The following CUBN variants were observed in gnomAD, a reference collection of about 807,000 sequenced individuals.
The protein encoded by CUBN is cubilin, also known as 460 kDa receptor.
A neutral mutation model predicts 405.3 loss-of-function variants in CUBN; 282 were observed. The ratio of observed to expected loss-of-function variants is 0.70; its 90% CI spans 0.63 to 0.77. The LOEUF (loss-of-function observed/expected upper bound fraction) is 0.77, where lower values mean the gene tolerates loss of function less well. Ranked by LOEUF, CUBN falls within the 30% of genes least tolerant of loss-of-function variation. The probability of loss-of-function intolerance (pLI) is 0.00; values close to 1 mark genes in which losing one functional copy is unlikely to be tolerated. For synonymous variants in CUBN, 1,684 were observed against 1,617.0 expected (o/e 1.04, Z -0.99); for missense variants, 4,514 against 4,475.2 (o/e 1.01, Z -0.25).
chr10:16,920,188 G>T, intron 43 of CUBN, 51 bp from the exon 44 acceptor site: 1 of 1,559,638 alleles, frequency 6.4e-7, no homozygotes, highest in Non-Finnish European at 8.8e-7. Context: ...AGGGGATGCA[G>T]TCAATGGCCA....
intron 27 of CUBN, among the ~76,000 whole-genome samples, chr10:17,024,989 A>G (rs1323943276): frequency 6.6e-6 from 1 of 152,226 alleles, no homozygotes; most frequent in African/African-American, 2.4e-5. Context: ...TTCATGTAGA[A>G]AAAGCAACTC....
chr10:16,839,833 T>C (rs1486427933), intron 62 of CUBN, among the ~76,000 whole-genome samples: 1 of 151,834 alleles, frequency 6.6e-6, no homozygotes, highest in East Asian at 1.9e-4. Context: ...CCAACAATGA[T>C]AGACCGGATT....
chr10:16,992,013 T>C (rs12772041), intron 28 of CUBN, among the ~76,000 whole-genome samples: 68,325 of 152,088 alleles, frequency 0.45, 16,718 homozygotes, highest in Middle Eastern at 0.56. Context: ...AATGATAGAC[T>C]GGATTAAGAA....
intron 32 of CUBN, among the ~76,000 whole-genome samples, chr10:16,952,933 G>C (rs1041942433): frequency 6.6e-6 from 1 of 152,164 alleles, no homozygotes; most frequent in Admixed American, 6.5e-5. Flanking sequence ...GGGAGGCCAG[G>C]GAGGGGACTG....
intron 27 of CUBN, among the ~76,000 whole-genome samples, chr10:17,027,420 A>T (rs1284188935): frequency 1.3e-5 from 2 of 152,192 alleles, no homozygotes; most frequent in African/African-American, 4.8e-5. Context: ...ATCTCCTTCG[A>T]ATATTAAAAT....
chr10:17,087,601 G>A (rs1433863709), intron 15 of CUBN, among the ~76,000 whole-genome samples: 3 of 149,108 alleles, frequency 2.0e-5, no homozygotes, highest in Admixed American at 1.3e-4. Flanking sequence ...TCAGACTGAC[G>A]AGTAGCTGGG....
chr10:17,037,746 T>C (rs543971352), intron 27 of CUBN, among the ~76,000 whole-genome samples: 1 of 152,298 alleles, frequency 6.6e-6, no homozygotes, highest in South Asian at 2.1e-4. Context: ...TCTGGTTTGT[T>C]ACAGAGAGCC....
At chr10:16,838,603 G>C (rs1413264145) in intron 62 of CUBN, among the ~76,000 whole-genome samples, 4 of 152,200 alleles carry the variant, frequency 2.6e-5, no homozygotes. Context: ...TCTTATTCCA[G>C]AGGAAATTCA....
Position 17,129,231 on chromosome 10 carries a change from T to G in CUBN, c.142A>C (p.Arg48=). The change falls in exon 2 of 67, where the codon AGA becomes CGA. Residue 48 remains arginine (R), a synonymous_variant. Coordinates refer to ENST00000377833, the MANE Select transcript of CUBN (RefSeq NM_001081.4). ...CCCGTAAGAAACACCAAATTTCCTC[T>G]CTCTGTAGCCATTCGAGGCCTATAT... ...NLQQPRMATE[R]GNLVFLTGSA... The G allele has an allele frequency of 6.2e-7, 1 of 1,613,670 alleles. No homozygotes were observed. The highest frequency in any genetic ancestry group is 8.5e-7 in the Non-Finnish European group (1 of 1,179,568).
At position 16,961,811 on chromosome 10, in the gene CUBN, A is replaced by G. The variant is rs1283369491; in HGVS notation, c.4696-7263T>C. Among the ~76,000 whole-genome samples the G allele has an allele frequency of 2.8e-5, 4 of 142,454 alleles. 1 individual carries two copies. The highest frequency in any genetic ancestry group is 2.3e-4 in the Admixed American group (3 of 13,094). The allele number at this position is 142,454 out of a possible 152,430, so 93.5% of individuals were successfully genotyped here. A position where few individuals can be genotyped will look rare whatever the true frequency, so the allele number is the denominator to read the frequency against. On this transcript the variant is annotated intron_variant, in intron 31 of 66. Transcript: ENST00000377833. ...ACTGCAACCTCCGCCTCCCGGGTTC[A>G]CGCCATTCTCCTGCCTCAGCCTCCT...
At chr10:17,081,885 G>A (rs551881005) in intron 17 of CUBN, among the ~76,000 whole-genome samples, 2 of 152,206 alleles carry the variant, frequency 1.3e-5, no homozygotes, top group African/African-American at 2.4e-5. Context: ...CCTTTAGGTT[G>A]GTTGGTCAAA....
chr10:17,040,110 G>A (rs1834984584), intron 27 of CUBN, among the ~76,000 whole-genome samples: 2 of 152,134 alleles, frequency 1.3e-5, no homozygotes, highest in African/African-American at 4.8e-5. Flanking sequence ...AGCAATGGAT[G>A]TTGAAGTCTT....
intron 28 of CUBN, among the ~76,000 whole-genome samples, chr10:17,010,635 T>A (rs749041286): frequency 6.8e-6 from 1 of 147,988 alleles, no homozygotes; most frequent in South Asian, 2.1e-4. Context: ...CAAGATCCTA[T>A]CTTGATAAAT....
intron 6 of CUBN, among the ~76,000 whole-genome samples, chr10:17,118,846 T>C (rs11254379): frequency 0.053 from 8,147 of 152,310 alleles, 738 homozygotes; most frequent in African/African-American, 0.19. Flanking sequence ...TAAGTGAAAA[T>C]AAAAGCCATA....
intron 5 of CUBN, among the ~76,000 whole-genome samples, chr10:17,123,194 T>C (rs1272200820): frequency 6.7e-6 from 1 of 148,710 alleles, no homozygotes; most frequent in Non-Finnish European, 1.5e-5. Context: ...CTTACTTAAC[T>C]TTTTTTTTTA....
chr10:17,030,470 C>G (rs562146424), intron 27 of CUBN, among the ~76,000 whole-genome samples: 1 of 152,098 alleles, frequency 6.6e-6, no homozygotes, highest in Non-Finnish European at 1.5e-5. Context: ...TTTAAAAATC[C>G]TAGCAGCTCT....
At chr10:17,040,911 G>A in intron 27 of CUBN, 122 bp downstream of exon 27, 2 of 833,406 alleles carry the variant, frequency 2.4e-6, no homozygotes. Flanking sequence ...TGGGTGGTTG[G>A]TGTGTTATAG....
At chr10:17,055,129 T>C (rs773105271) in intron 22 of CUBN, among the ~76,000 whole-genome samples, 1 of 151,992 alleles carries the variant, frequency 6.6e-6, no homozygotes, top group African/African-American at 2.4e-5. Flanking sequence ...GGTTTGACAG[T>C]AGAAAACTAA....
At chr10:16,930,477 C>T (rs1588660647) in intron 40 of CUBN, among the ~76,000 whole-genome samples, 1 of 152,166 alleles carries the variant, frequency 6.6e-6, no homozygotes, top group Non-Finnish European at 1.5e-5. Flanking sequence ...CAAAACCATG[C>T]TATTAAATGA....
Sources: gnomAD v4.1 joint callset for allele counts (sites outside exome capture counted in the v4.1 genomes callset) on GRCh38, gnomAD v4.1.1 for gene constraint, MANE v1.5 for transcripts, NCBI Gene and HGNC (gene_info 2026-07-23, HGNC 2026-07-21) for gene names.